The following ACER1 variants were observed in gnomAD, a reference collection of about 807,000 sequenced individuals.
The protein encoded by ACER1 is CTB-180A7.3.
In ACER1, 28 loss-of-function variants were observed where a neutral mutation model predicts 24.9. That is an observed-to-expected ratio of 1.13 (90% CI 0.83 to 1.54). The LOEUF (loss-of-function observed/expected upper bound fraction) is 1.54, where lower values mean the gene tolerates loss of function less well. ACER1 is among the 40% of genes most tolerant of loss of function. ACER1 has a pLI of 0.00. For synonymous variants in ACER1, 132 were observed against 131.4 expected (o/e 1.00, Z -0.03); for missense variants, 352 against 349.3 (o/e 1.01, Z -0.06).
intron 1 of ACER1, among the ~76,000 whole-genome samples, chr19:6,313,841 A>C (rs1197657302): frequency 6.6e-6 from 1 of 152,194 alleles, no homozygotes; most frequent in African/African-American, 2.4e-5. Context: ...ACACAAGAAG[A>C]CTGGCTACCC....
intron 1 of ACER1, among the ~76,000 whole-genome samples, chr19:6,331,794 AAAAC>A (rs142722083): frequency 0.088 from 13,381 of 151,468 alleles, 1,233 homozygotes; most frequent in African/African-American, 0.24. Context: ...ACTCCGTTTC[AAAAC>A]AAACAAACAA....
Position 6,306,769 on chromosome 19 carries a change from C to G in ACER1, c.740G>C (p.Ser247Thr). The G allele has an allele frequency of 1.2e-6, 2 of 1,614,164 alleles. No homozygotes were observed. Among genetic ancestry groups the G allele is most frequent in the Non-Finnish European group, 1.7e-6 (2 of 1,180,002 alleles). ...CACGTAGGGCAGCCCCACGGGCCAACTGTCCCGAGGCCAGTAGCGGACTTT... is the reference window on the plus strand; with the variant it reads ...CACGTAGGGCAGCCCCACGGGCCAAGTGTCCCGAGGCCAGTAGCGGACTTT... ...TLKVRYWPRDSWPVGLPYVEI... is the reference protein window; with the variant it reads ...TLKVRYWPRDTWPVGLPYVEI... Residue 247 changes from serine to threonine, a missense_variant, in exon 6 of 6, where the codon AGT becomes ACT. Coordinates refer to ENST00000301452, the MANE Select transcript of ACER1 (RefSeq NM_133492.3).
the ACER1 span, among the ~76,000 whole-genome samples, chr19:6,355,173 C>A: frequency 6.6e-6 from 1 of 152,106 alleles, no homozygotes; most frequent in Non-Finnish European, 1.5e-5. Context: ...CGGCTTGCTA[C>A]AACCTCCACC....
the ACER1 span, among the ~76,000 whole-genome samples, chr19:6,357,293 C>A: frequency 1.3e-5 from 2 of 151,952 alleles, no homozygotes; most frequent in African/African-American, 4.8e-5. Flanking sequence ...GTGAGCCGCC[C>A]GCCTCCGCCT....
At chr19:6,335,348 CTGAG>C (rs1343333914), upstream of ACER1, among the ~76,000 whole-genome samples, 1 of 151,064 alleles carries the variant, frequency 6.6e-6, no homozygotes, top group African/African-American at 2.4e-5. Context: ...CCTCAGCCTC[CTGAG>C]TAACTGGGAC....
the ACER1 span, among the ~76,000 whole-genome samples, chr19:6,356,981 C>A: frequency 6.6e-6 from 1 of 151,156 alleles, no homozygotes; most frequent in South Asian, 2.1e-4. Flanking sequence ...TCTAGAGTGC[C>A]TGGGATATTA....
chr19:6,317,396 G>T (rs961440678), intron 1 of ACER1, among the ~76,000 whole-genome samples: 3 of 152,218 alleles, frequency 2.0e-5, no homozygotes, highest in Non-Finnish European at 2.9e-5. Context: ...GACTGCAAGC[G>T]CTTCTCTTCA....
intron 1 of ACER1, among the ~76,000 whole-genome samples, chr19:6,316,171 T>C (rs1369616752): frequency 6.6e-6 from 1 of 152,182 alleles, no homozygotes; most frequent in Non-Finnish European, 1.5e-5. Flanking sequence ...TGATGGTTCA[T>C]GCCTGTGATT....
chr19:6,333,619 C>T (rs1600246466), upstream of ACER1: 13 of 1,403,150 alleles, frequency 9.3e-6, no homozygotes, highest in East Asian at 3.3e-4. Context: ...GAAGGCTGGG[C>T]CCTGATGAGG....
intron 1 of ACER1, among the ~76,000 whole-genome samples, chr19:6,316,834 A>C (rs1236676914): frequency 6.6e-6 from 1 of 151,634 alleles, no homozygotes; most frequent in Non-Finnish European, 1.5e-5. Context: ...AAAAAAAAAA[A>C]AGAGGTCAGA....
upstream of ACER1, among the ~76,000 whole-genome samples, chr19:6,338,267 C>G (rs1189723937): frequency 2.0e-5 from 3 of 152,094 alleles, no homozygotes; most frequent in African/African-American, 7.2e-5. Flanking sequence ...GCTGGGAGTA[C>G]AGGTATGAGC....
At chr19:6,323,418 C>CA (rs368086357) in intron 1 of ACER1, among the ~76,000 whole-genome samples, 20,823 of 128,074 alleles carry the variant, frequency 0.16, 1,796 homozygotes, top group African/African-American at 0.25. Context: ...GACTCCGTCT[C>CA]AAAAAAAAAA....
the ACER1 span, among the ~76,000 whole-genome samples, chr19:6,341,732 G>T: frequency 0.017 from 2,601 of 152,024 alleles, 81 homozygotes; most frequent in African/African-American, 0.059. Context: ...GGGTTCAAGC[G>T]ATTCTCCTAC....
chr19:6,349,794 C>T, the ACER1 span, among the ~76,000 whole-genome samples: 1 of 152,094 alleles, frequency 6.6e-6, no homozygotes, highest in Non-Finnish European at 1.5e-5. Flanking sequence ...GAGGTTTCTG[C>T]TCACCATACA....
intron 1 of ACER1, among the ~76,000 whole-genome samples, chr19:6,313,690 G>A (rs2091591520): frequency 6.6e-6 from 1 of 152,242 alleles, no homozygotes; most frequent in Admixed American, 6.5e-5. Flanking sequence ...TGCAGACAAG[G>A]AAAGACGATG....
At chr19:6,360,153 A>G in the ACER1 span, 1 of 152,268 alleles carries the variant, frequency 6.6e-6, no homozygotes, top group East Asian at 1.9e-4. Flanking sequence ...GCAAAGCCCA[A>G]TTCCAATACC....
intron 4 of ACER1, 142 bp from the exon 5 acceptor site, chr19:6,307,432 G>T: frequency 1.1e-6 from 1 of 917,168 alleles, no homozygotes; most frequent in South Asian, 1.7e-5. Flanking sequence ...AAGCAGAGGG[G>T]GCCCAATCTC....
At position 6,333,595 on chromosome 19, in the gene ACER1, G is replaced by A; in HGVS notation, c.-44C>T. 2 of 1,518,188 alleles carry A rather than the reference G, an allele frequency of 1.3e-6. No homozygotes were observed. Among genetic ancestry groups the A allele is most frequent in the East Asian group, 2.5e-5 (1 of 40,750 alleles). The allele number at this position is 1,518,188 out of a possible 1,614,324, so 94.0% of individuals were successfully genotyped here. A position where few individuals can be genotyped will look rare whatever the true frequency, so the allele number is the denominator to read the frequency against. On this transcript the variant is annotated 5_prime_UTR_variant, in exon 1 of 6. Coordinates refer to ENST00000301452, the MANE Select transcript of ACER1 (RefSeq NM_133492.3). ...ACCAGCCGGCTGCGCCCGGCAGAGAGAAGGCGAGCTTGGGAAGGCTGGGCC... is the reference window on the plus strand; with the variant it reads ...ACCAGCCGGCTGCGCCCGGCAGAGAAAAGGCGAGCTTGGGAAGGCTGGGCC...
intron 1 of ACER1, among the ~76,000 whole-genome samples, chr19:6,320,661 G>T (rs1161383967): frequency 3.9e-5 from 6 of 152,080 alleles, no homozygotes; most frequent in African/African-American, 1.4e-4. Flanking sequence ...TGGTCTCACA[G>T]CACCATGGTT....
Sources: gnomAD v4.1 joint callset for allele counts (sites outside exome capture counted in the v4.1 genomes callset) on GRCh38, gnomAD v4.1.1 for gene constraint, MANE v1.5 for transcripts, NCBI Gene and HGNC (gene_info 2026-07-23, HGNC 2026-07-21) for gene names.